Variants in ST8SIA1 observed in about 807,000 individuals in gnomAD.
ST8SIA1 encodes the protein ST8 alpha-N-acetyl-neuraminide alpha-2,8-sialyltransferase 1.
Under a neutral mutation model 35.9 loss-of-function variants are expected in ST8SIA1, and 16 were observed. That is an observed-to-expected ratio of 0.45 (90% CI 0.30 to 0.68). ST8SIA1 has a LOEUF of 0.68. Ranked by LOEUF, ST8SIA1 falls within the 30% of genes least tolerant of loss-of-function variation. ST8SIA1 has a pLI of 0.09. For synonymous variants in ST8SIA1, 170 were observed against 169.6 expected (o/e 1.00, Z -0.02); for missense variants, 383 against 453.6 (o/e 0.84, Z 1.41).
chr12:22,226,638 T>C (rs1302920549), intron 4 of ST8SIA1, among the ~76,000 whole-genome samples: 2 of 152,110 alleles, frequency 1.3e-5, no homozygotes, highest in African/African-American at 4.8e-5. Flanking sequence ...TATATTCATC[T>C]CTCTGAGTTT....
In ST8SIA1 at chr12:22,255,330, C is replaced by T; in HGVS notation, c.441G>A (p.Leu147=). 6.2e-7 allele frequency: 1 copy of T among 1,614,218 alleles called. No homozygotes were observed. Among genetic ancestry groups the T allele is most frequent in the Non-Finnish European group, 8.5e-7 (1 of 1,180,032 alleles). ...TTTGACGGCCACAGCCACTCTTCTT[C>T]AGAATCCCACCATTTCCCACCACCG... ...KCAVVGNGGI[L]KKSGCGRQID... Residue 147 remains leucine (L), a synonymous_variant, in exon 3 of 5, where the codon CTG becomes CTA. Transcript: ENST00000396037.
At position 22,309,513 on chromosome 12, in the gene ST8SIA1, C is replaced by T. The variant is rs570925927; in HGVS notation, c.237-22220G>A. 1.4e-3 allele frequency among the ~76,000 whole-genome samples: 213 copies of T among 152,268 alleles called. 1 individual carries two copies. The highest frequency in any genetic ancestry group is 5.0e-3 in the African/African-American group (206 of 41,540). On this transcript the variant is annotated intron_variant, in intron 1 of 4. Transcript: ENST00000396037. ...GAGACCCAAGAAGGGGCATGAAGCTCAATTGTACATGTACATGTTTCTCCT... is the reference window on the plus strand; with the variant it reads ...GAGACCCAAGAAGGGGCATGAAGCTTAATTGTACATGTACATGTTTCTCCT...
rs145639778 is a variant in ST8SIA1 at position 22,331,850 on chromosome 12, C to T, written c.236+2147G>A. On this transcript the variant is annotated intron_variant, in intron 1 of 4. Coordinates refer to ENST00000396037, the MANE Select transcript of ST8SIA1 (RefSeq NM_003034.4). ...AACATTCCAAATTCTCATGGGTTGC[C>T]CAGATTTCCTTATTTAAGTTGTAAC... 2.7e-3 allele frequency among the ~76,000 whole-genome samples: 413 copies of T among 152,160 alleles called. 9 individuals carry two copies. Among genetic ancestry groups the T allele is most frequent in the Admixed American group, 0.022 (340 of 15,292 alleles).
chr12:22,302,971 TG>T (rs1565591158), intron 1 of ST8SIA1, among the ~76,000 whole-genome samples: 1 of 152,096 alleles, frequency 6.6e-6, no homozygotes, highest in Non-Finnish European at 1.5e-5. Context: ...CTCCCTAAAA[TG>T]TGTATAAAAC....
intron 2 of ST8SIA1, among the ~76,000 whole-genome samples, chr12:22,283,605 A>C (rs1866062066): frequency 6.6e-6 from 1 of 152,220 alleles, no homozygotes; most frequent in South Asian, 2.1e-4. Flanking sequence ...AAGGTTAAAA[A>C]TTCTGCCCTT....
At position 22,334,216 on chromosome 12, in the gene ST8SIA1, C is replaced by A. The variant is rs146610334; in HGVS notation, c.17G>T (p.Arg6Leu). MSPCG[R>L]ARRQTSRGAM... ...CCCTCTGGACGTTTGTCGCCGGGCC[C>A]GCCCGCAGGGGCTCATCGCAGCCCC... is the stretch of plus-strand genomic sequence containing the variant. Residue 6 changes from arginine (R) to leucine (L), a missense_variant, in exon 1 of 5, where the codon CGG becomes CTG. Coordinates refer to ENST00000396037, the MANE Select transcript of ST8SIA1 (RefSeq NM_003034.4). 1.1e-5 allele frequency: 18 copies of A among 1,612,402 alleles called. No individual in the cohort carries two copies. The highest frequency in any genetic ancestry group is 1.4e-5 in the Non-Finnish European group (17 of 1,179,392).
intron 4 of ST8SIA1, among the ~76,000 whole-genome samples, chr12:22,230,970 A>G (rs1025789306): frequency 1.3e-5 from 2 of 152,088 alleles, no homozygotes; most frequent in Non-Finnish European, 2.9e-5. Context: ...TTCCCAGGGA[A>G]AGTGAGGCCT....
chr12:22,273,574 C>G (rs741373), intron 2 of ST8SIA1, among the ~76,000 whole-genome samples: 13,931 of 152,114 alleles, frequency 0.092, 780 homozygotes, highest in East Asian at 0.15. Flanking sequence ...CCTAGCTGAG[C>G]TAACGAGCAA....
intron 1 of ST8SIA1, chr12:22,324,661 C>G (rs1403239480): frequency 6.6e-6 from 1 of 152,084 alleles, no homozygotes; most frequent in Non-Finnish European, 1.5e-5. Flanking sequence ...ATTACTTTTA[C>G]AAATGAAAAT....
At chr12:22,260,862 T>C (rs1234155519) in intron 2 of ST8SIA1, among the ~76,000 whole-genome samples, 1 of 149,656 alleles carries the variant, frequency 6.7e-6, no homozygotes, top group Non-Finnish European at 1.5e-5. Flanking sequence ...TTCAAAGATT[T>C]ATATAGTTGT....
intron 4 of ST8SIA1, among the ~76,000 whole-genome samples, chr12:22,210,497 C>T (rs1299400726): frequency 6.6e-6 from 1 of 152,126 alleles, no homozygotes; most frequent in Non-Finnish European, 1.5e-5. Context: ...TTACAGCAGA[C>T]ACCAGCTGGG....
At chr12:22,327,685 C>G (rs1866699587) in intron 1 of ST8SIA1, among the ~76,000 whole-genome samples, 1 of 152,114 alleles carries the variant, frequency 6.6e-6, no homozygotes, top group Non-Finnish European at 1.5e-5. Flanking sequence ...TAGTGAAAAT[C>G]TTAAACAGCT....
At position 22,334,252 on chromosome 12, in the gene ST8SIA1, G is replaced by A; in HGVS notation, c.-20C>T. 3.8e-6 allele frequency: 6 copies of A among 1,599,062 alleles called. No homozygotes were observed. The highest frequency in any genetic ancestry group is 5.1e-6 in the Non-Finnish European group (6 of 1,171,324). On this transcript the variant is annotated 5_prime_UTR_variant, in exon 1 of 5. Transcript: ENST00000396037. ...GCTCATCGCAGCCCCGGCGTCCCAGGGGCGGGGGCCGGGGCCTCAGCACAA... is the reference window on the plus strand; with the variant it reads ...GCTCATCGCAGCCCCGGCGTCCCAGAGGCGGGGGCCGGGGCCTCAGCACAA...
Position 22,201,456 on chromosome 12 carries a change from T to C in ST8SIA1, c.*96A>G. On this transcript the variant is annotated 3_prime_UTR_variant, in exon 5 of 5. Transcript: ENST00000396037. The stretch of plus-strand genomic sequence containing the variant: ...CCTTTCCTGTTTTTCCAAGGGCCCA[T>C]GCAAACTCATGAAACAACTTGACCA... 10 of 1,478,798 alleles carry C rather than the reference T, an allele frequency of 6.8e-6. No homozygotes were observed. The highest frequency in any genetic ancestry group is 9.0e-6 in the Non-Finnish European group (10 of 1,107,932). 91.6% of individuals were successfully genotyped at this position (1,478,798 alleles called of 1,614,324 possible). A position where few individuals can be genotyped will look rare whatever the true frequency, so the allele number is the denominator to read the frequency against.
At chr12:22,249,465 C>T (rs750775095) in intron 3 of ST8SIA1, among the ~76,000 whole-genome samples, 36 of 152,242 alleles carry the variant, frequency 2.4e-4, no homozygotes, top group Non-Finnish European at 4.4e-4. Flanking sequence ...TGTGATCTGC[C>T]CGCCTTGGCC....
chr12:22,311,720 T>C (rs141345043), intron 1 of ST8SIA1, among the ~76,000 whole-genome samples: 231 of 152,258 alleles, frequency 1.5e-3, no homozygotes, highest in African/African-American at 5.2e-3. Context: ...GCCCATTAAA[T>C]CCTAAATTTG....
At chr12:22,307,795 TTCTTC>T (rs1293664992) in intron 1 of ST8SIA1, among the ~76,000 whole-genome samples, 2 of 152,236 alleles carry the variant, frequency 1.3e-5, no homozygotes, top group Non-Finnish European at 2.9e-5. Flanking sequence ...CCTATTTACA[TTCTTC>T]TCTTCTCATG....
Position 22,334,233 on chromosome 12 carries a change from C to G in ST8SIA1, c.-1G>C, listed in dbSNP as rs775862544. 1 of 1,609,380 alleles carries G rather than the reference C, an allele frequency of 6.2e-7. No individual in the cohort carries two copies. The highest frequency in any genetic ancestry group is 8.5e-7 in the Non-Finnish European group (1 of 1,177,906). ...GCCGGGCCCGCCCGCAGGGGCTCAT[C>G]GCAGCCCCGGCGTCCCAGGGGCGGG... On this transcript the variant is annotated 5_prime_UTR_variant, in exon 1 of 5. Coordinates refer to ENST00000396037, the MANE Select transcript of ST8SIA1 (RefSeq NM_003034.4).
intron 1 of ST8SIA1, among the ~76,000 whole-genome samples, chr12:22,331,084 A>G (rs1033091095): frequency 6.6e-6 from 1 of 152,224 alleles, no homozygotes; most frequent in Non-Finnish European, 1.5e-5. Flanking sequence ...CTTCTCTGAG[A>G]ATTCAGTACA....
Sources: gnomAD v4.1 joint callset for allele counts (sites outside exome capture counted in the v4.1 genomes callset) on GRCh38, gnomAD v4.1.1 for gene constraint, MANE v1.5 for transcripts, NCBI Gene and HGNC (gene_info 2026-07-23, HGNC 2026-07-21) for gene names.